Variants in ELMO1 observed in about 807,000 individuals in gnomAD.
ELMO1 encodes engulfment and cell motility 1, also known as engulfment and cell motility protein 1.
A neutral mutation model predicts 98.9 loss-of-function variants in ELMO1; 26 were observed. The observed-to-expected ratio is 0.26, with a 90% CI of 0.19 to 0.36. ELMO1 has a LOEUF of 0.36. ELMO1 is among the 10% of genes least tolerant of loss of function. The probability of loss-of-function intolerance (pLI) is 1.00; values close to 1 mark genes in which losing one functional copy is unlikely to be tolerated. For synonymous variants in ELMO1, 346 were observed against 346.0 expected (o/e 1.00, Z 0.00); for missense variants, 627 against 935.2 (o/e 0.67, Z 4.30).
At chr7:37,176,618 G>A (rs879099133) in intron 13 of ELMO1, among the ~76,000 whole-genome samples, 5 of 152,194 alleles carry the variant, frequency 3.3e-5, no homozygotes, top group Admixed American at 6.5e-5. Context: ...ATGAAAAAGT[G>A]CTTGTGAGAT....
intron 16 of ELMO1, among the ~76,000 whole-genome samples, chr7:36,967,549 G>A (rs981338571): frequency 6.6e-6 from 1 of 152,152 alleles, no homozygotes; most frequent in African/African-American, 2.4e-5. Flanking sequence ...GGCAAAGGGA[G>A]GGTGCTGCTG....
chr7:37,008,910 C>T (rs540930582), intron 16 of ELMO1, among the ~76,000 whole-genome samples: 24 of 152,152 alleles, frequency 1.6e-4, no homozygotes, highest in Non-Finnish European at 2.8e-4. Flanking sequence ...TAGCTTCCCC[C>T]GCCACCCCCG....
chr7:36,927,220 G>A (rs1040551528), intron 16 of ELMO1, among the ~76,000 whole-genome samples: 5 of 152,096 alleles, frequency 3.3e-5, no homozygotes, highest in African/African-American at 1.2e-4. Context: ...AGATTATCTG[G>A]CTCCAGATTC....
intron 15 of ELMO1, among the ~76,000 whole-genome samples, chr7:37,071,622 A>G (rs1211709744): frequency 6.6e-6 from 1 of 152,214 alleles, no homozygotes; most frequent in Non-Finnish European, 1.5e-5. Flanking sequence ...AAGCTAAAAA[A>G]TTTAAGTACA....
At chr7:36,913,479 G>A (rs1375372015) in intron 16 of ELMO1, among the ~76,000 whole-genome samples, 1 of 152,238 alleles carries the variant, frequency 6.6e-6, no homozygotes, top group South Asian at 2.1e-4. Context: ...TCTGCACACA[G>A]AGTTTGACCA....
intron 16 of ELMO1, among the ~76,000 whole-genome samples, chr7:36,910,588 T>G (rs1394952047): frequency 6.6e-6 from 1 of 152,198 alleles, no homozygotes; most frequent in African/African-American, 2.4e-5. Context: ...TTCCAAATCC[T>G]TGGCTTGCTC....
chr7:37,366,203 T>C (rs1007582319), intron 1 of ELMO1, among the ~76,000 whole-genome samples: 7 of 152,226 alleles, frequency 4.6e-5, no homozygotes, highest in Non-Finnish European at 1.0e-4. Context: ...AGGAAGAAAC[T>C]ATCGCCATAT....
At chr7:37,102,349 C>T (rs1032337670) in intron 14 of ELMO1, among the ~76,000 whole-genome samples, 7 of 152,248 alleles carry the variant, frequency 4.6e-5, no homozygotes, top group African/African-American at 1.4e-4. Flanking sequence ...TCAATCAAGT[C>T]CAGAGAATTA....
chr7:37,146,925 A>G (rs1019943263), intron 13 of ELMO1, among the ~76,000 whole-genome samples: 1 of 152,092 alleles, frequency 6.6e-6, no homozygotes, highest in African/African-American at 2.4e-5. Context: ...TTCTCATCCT[A>G]TGGATGAGGT....
Position 37,342,761 on chromosome 7 carries a change from T to A in ELMO1, c.-71A>T. ...CAGCGTAAACGGCCACACGTGTCTATACCTAATGAGGAATGACAGAAAAAG... is the reference window on the plus strand; with the variant it reads ...CAGCGTAAACGGCCACACGTGTCTAAACCTAATGAGGAATGACAGAAAAAG... On this transcript the variant is annotated splice_region_variant and 5_prime_UTR_variant, in exon 2 of 22. Transcript: ENST00000310758. This position sits in a 1 kb window ranked among gnomAD's most constrained non-coding sequence, Gnocchi z 4.3. 7.5e-7 allele frequency: 1 copy of A among 1,330,294 alleles called. No individual in the cohort carries two copies. 82.4% of individuals were successfully genotyped at this position (1,330,294 alleles called of 1,614,324 possible).
At chr7:37,313,997 C>A (rs1799022560) in intron 4 of ELMO1, among the ~76,000 whole-genome samples, 2 of 152,176 alleles carry the variant, frequency 1.3e-5, no homozygotes, top group African/African-American at 4.8e-5. Flanking sequence ...GGCTCATATG[C>A]ATTTCAGTGA....
At chr7:37,264,615 C>T (rs895857109) in intron 5 of ELMO1, among the ~76,000 whole-genome samples, 1 of 152,122 alleles carries the variant, frequency 6.6e-6, no homozygotes, top group Non-Finnish European at 1.5e-5. Context: ...GTCTCTGTAT[C>T]AGACAGCAAG....
intron 13 of ELMO1, among the ~76,000 whole-genome samples, chr7:37,186,560 G>A (rs1014196696): frequency 6.6e-6 from 1 of 152,168 alleles, no homozygotes; most frequent in Admixed American, 6.6e-5. Context: ...TGCAAATCAT[G>A]TCTGATAAGG....
chr7:37,259,370 G>T lies in ELMO1; in HGVS notation c.244-20C>A. 1 of 1,608,962 alleles carries T rather than the reference G, an allele frequency of 6.2e-7. No individual in the cohort carries two copies. The highest frequency in any genetic ancestry group is 2.2e-5 in the East Asian group (1 of 44,754). ...CTGAGCCTTATGGGGCAAAAGCAAAGGGAAGAGTGTTGACAAACGAAACCA... is the reference window on the plus strand; with the variant it reads ...CTGAGCCTTATGGGGCAAAAGCAAATGGAAGAGTGTTGACAAACGAAACCA... On this transcript the variant is annotated intron_variant, in intron 5 of 21. Transcript: ENST00000310758.
At chr7:37,382,467 T>C (rs1342577881) in intron 1 of ELMO1, among the ~76,000 whole-genome samples, 1 of 152,178 alleles carries the variant, frequency 6.6e-6, no homozygotes, top group African/African-American at 2.4e-5. Flanking sequence ...CTGAAGGTAA[T>C]TTTTTTAAAA....
At chr7:37,229,680 G>C (rs917683951) in intron 8 of ELMO1, among the ~76,000 whole-genome samples, 1 of 152,044 alleles carries the variant, frequency 6.6e-6, no homozygotes, top group Non-Finnish European at 1.5e-5. Flanking sequence ...TGCTGAATTT[G>C]GTCCAGCTAA....
intron 16 of ELMO1, among the ~76,000 whole-genome samples, chr7:36,948,687 G>A (rs932389032): frequency 9.2e-5 from 14 of 152,068 alleles, no homozygotes; most frequent in African/African-American, 3.1e-4. Context: ...TTCCTATGAA[G>A]AAGGAAACTG....
chr7:37,363,088 T>C (rs1019028789), intron 1 of ELMO1, among the ~76,000 whole-genome samples: 6 of 152,218 alleles, frequency 3.9e-5, no homozygotes, highest in South Asian at 4.1e-4. Flanking sequence ...GAAGATGCTG[T>C]TGTCAGAGCA....
intron 13 of ELMO1, among the ~76,000 whole-genome samples, chr7:37,188,449 CACGCAA>C (rs759740755): frequency 5.5e-4 from 4 of 7,272 alleles, no homozygotes; most frequent in Admixed American, 1.7e-3. Context: ...CACACACACA[CACGCAA>C]ACACACACAC....
Sources: gnomAD v4.1 joint callset for allele counts (sites outside exome capture counted in the v4.1 genomes callset) on GRCh38, gnomAD v4.1.1 for gene constraint, Gnocchi (gnomAD v3.1) non-coding constraint, MANE v1.5 for transcripts, NCBI Gene and HGNC (gene_info 2026-07-23, HGNC 2026-07-21) for gene names.